GMDS: variants seen among roughly 807,000 people sequenced by gnomAD.
GMDS encodes GDP-mannose 4,6 dehydratase.
A neutral mutation model predicts 49.9 loss-of-function variants in GMDS; 20 were observed. That is an observed-to-expected ratio of 0.40 (90% CI 0.28 to 0.58). The LOEUF (loss-of-function observed/expected upper bound fraction) is 0.58. Among genes scored for constraint, GMDS ranks in the 20% least tolerant of loss-of-function variants. GMDS has a pLI of 0.42. For missense variants in GMDS, 362 were observed against 481.4 expected, an observed-to-expected ratio of 0.75 and a Z score of 2.32; for synonymous variants, 177 against 178.6, an observed-to-expected ratio of 0.99 and a Z score of 0.07.
At chr6:2,076,377 A>C (rs949395228) in intron 4 of GMDS, among the ~76,000 whole-genome samples, 5 of 151,316 alleles carry the variant, frequency 3.3e-5, no homozygotes, top group African/African-American at 4.8e-5. Flanking sequence ...TCAAGCTACC[A>C]ATGACTTTCT....
intron 7 of GMDS, among the ~76,000 whole-genome samples, chr6:1,763,996 G>C (rs1292566572): frequency 1.3e-5 from 2 of 152,156 alleles, no homozygotes; most frequent in African/African-American, 4.8e-5. Flanking sequence ...GGGTCTGCAG[G>C]GGAAAGACAG....
intron 9 of GMDS, among the ~76,000 whole-genome samples, chr6:1,678,858 A>G (rs1764701419): frequency 6.6e-6 from 1 of 152,250 alleles, no homozygotes; most frequent in African/African-American, 2.4e-5. Flanking sequence ...TTACACAAGT[A>G]ATGGAACACA....
rs186728406 is a variant in GMDS, at chr6:1,800,413, T to C, written c.772-57827A>G. On this transcript the variant is annotated intron_variant, in intron 7 of 10. Transcript: ENST00000380815. Reference sequence around the variant, plus strand: ...CTATAAAAGGCCAGCAGAATGTTCTTATGACTCCTACTCACAACCATTTCT... The same window carrying C: ...CTATAAAAGGCCAGCAGAATGTTCTCATGACTCCTACTCACAACCATTTCT... Among the ~76,000 whole-genome samples, 4 of 152,226 alleles carry C rather than the reference T, an allele frequency of 2.6e-5. No individual in the cohort carries two copies. In the East Asian group the frequency reaches 7.7e-4, roughly 29 times the overall value.
intron 4 of GMDS, among the ~76,000 whole-genome samples, chr6:2,032,661 TAGAG>T (rs1183624065): frequency 1.3e-5 from 2 of 152,168 alleles, no homozygotes; most frequent in East Asian, 1.9e-4. Flanking sequence ...TATGAAAATA[TAGAG>T]AGAGGCATAA....
In GMDS at chr6:1,708,377, G is replaced by A. The variant is rs919315433; in HGVS notation, c.987+18039C>T. Among the ~76,000 whole-genome samples the A allele has an allele frequency of 1.6e-4, 25 of 152,326 alleles. 1 individual carries two copies. In the Middle Eastern group the frequency reaches 0.024, roughly 145 times the overall value. On this transcript the variant is annotated intron_variant, in intron 9 of 10. Coordinates refer to ENST00000380815, the MANE Select transcript of GMDS (RefSeq NM_001500.4). The stretch of plus-strand genomic sequence containing the variant: ...GGCAGATGAGGAGTGGAGGGAAGGC[G>A]GGTAGGGGGCTTGCACTCGAAACCA...
chr6:2,023,475 C>T (rs924785850), intron 4 of GMDS, among the ~76,000 whole-genome samples: 2 of 152,220 alleles, frequency 1.3e-5, no homozygotes, highest in Admixed American at 1.3e-4. Context: ...GGTGAGACCC[C>T]CTTCAGGGGC....
intron 4 of GMDS, among the ~76,000 whole-genome samples, chr6:2,000,772 C>T (rs1766765535): frequency 6.6e-6 from 1 of 152,146 alleles, no homozygotes; most frequent in Non-Finnish European, 1.5e-5. Context: ...AGTGGTTCTC[C>T]CACCTTAGCC....
chr6:1,959,105 G>A (rs1763799546), intron 6 of GMDS, among the ~76,000 whole-genome samples: 1 of 152,136 alleles, frequency 6.6e-6, no homozygotes, highest in Non-Finnish European at 1.5e-5. Flanking sequence ...GGGGAATAAG[G>A]GGAGATTTCT....
chr6:1,865,182 A>G (rs1014155268), intron 7 of GMDS, among the ~76,000 whole-genome samples: 8 of 152,184 alleles, frequency 5.3e-5, no homozygotes, highest in Non-Finnish European at 2.9e-5. Context: ...ATATTCCTCA[A>G]TTAAGTTTTC....
intron 4 of GMDS, among the ~76,000 whole-genome samples, chr6:1,982,999 C>A (rs997559081): frequency 6.6e-6 from 1 of 152,118 alleles, no homozygotes; most frequent in African/African-American, 2.4e-5. Context: ...CTACAGTAAT[C>A]AAAACAGCAT....
intron 8 of GMDS, 48 bp from the exon 9 acceptor site, chr6:1,726,560 T>A: frequency 7.1e-7 from 1 of 1,409,760 alleles, no homozygotes; most frequent in Non-Finnish European, 1.0e-6. Context: ...CTTGGGAACA[T>A]TTGGCCATGC....
At chr6:2,212,824 G>A (rs1375610055) in intron 1 of GMDS, among the ~76,000 whole-genome samples, 4 of 151,294 alleles carry the variant, frequency 2.6e-5, no homozygotes, top group African/African-American at 7.3e-5. Flanking sequence ...TAAACCATAA[G>A]AGCGTGTGTC....
intron 4 of GMDS, among the ~76,000 whole-genome samples, chr6:1,988,596 G>A (rs1211723690): frequency 6.6e-6 from 1 of 152,108 alleles, no homozygotes; most frequent in Non-Finnish European, 1.5e-5. Flanking sequence ...GAACATGCAT[G>A]CCATCTGTAA....
chr6:2,215,755 T>C (rs1780305562), intron 1 of GMDS, among the ~76,000 whole-genome samples: 1 of 152,156 alleles, frequency 6.6e-6, no homozygotes, highest in Non-Finnish European at 1.5e-5. Context: ...TATCACCTTA[T>C]TCGGACCCTG....
chr6:2,101,050 G>C (rs997293837), intron 4 of GMDS, among the ~76,000 whole-genome samples: 6 of 142,614 alleles, frequency 4.2e-5, no homozygotes, highest in Non-Finnish European at 9.5e-5. Flanking sequence ...ACATTACTGA[G>C]ATTTTTTTTT....
intron 1 of GMDS, among the ~76,000 whole-genome samples, chr6:2,205,716 C>A (rs1180237284): frequency 6.6e-6 from 1 of 152,272 alleles, no homozygotes; most frequent in Middle Eastern, 3.4e-3. Context: ...TCTACCCCCA[C>A]AGATTGCTAC....
At position 1,951,884 on chromosome 6, in the gene GMDS, G is replaced by C. The variant is rs12665271; in HGVS notation, c.643+7983C>G. The C allele has an allele frequency of 2.6e-3, 2,515 of 985,020 alleles. 73 individuals are homozygous for C. In the East Asian group the frequency reaches 0.082, roughly 32 times the overall value. 61.0% of individuals were successfully genotyped at this position (985,020 alleles called of 1,614,324 possible). Reference sequence around the variant, plus strand: ...AACTAATGGTCTTTTACAAAGATAAGAGCAGCTGAGACATTCCGTTTCCAA... The same window carrying C: ...AACTAATGGTCTTTTACAAAGATAACAGCAGCTGAGACATTCCGTTTCCAA... On this transcript the variant is annotated intron_variant, in intron 6 of 10. Transcript: ENST00000380815.
chr6:1,889,142 C>T (rs1486169724), intron 7 of GMDS, among the ~76,000 whole-genome samples: 2 of 152,192 alleles, frequency 1.3e-5, no homozygotes, highest in Non-Finnish European at 2.9e-5. Context: ...AAAGGGCTGA[C>T]TATGCTACTT....
rs1363855924 is a variant in GMDS, at chr6:2,007,295, TA to T, written c.346-46330del. ...AATGAACTAACAGGACCAATGCAAG[TA>T]ATACCATTACAGCACACCATAAGCA... is the stretch of plus-strand genomic sequence containing the variant. On this transcript the variant is annotated intron_variant, in intron 4 of 10. Transcript: ENST00000380815. Among the ~76,000 whole-genome samples the T allele has an allele frequency of 1.9e-4, 29 of 152,296 alleles. 1 individual carries two copies. The highest frequency in any genetic ancestry group is 1.8e-3 in the Admixed American group (28 of 15,286).
Sources: allele counts gnomAD v4.1 joint callset (sites outside exome capture counted in the v4.1 genomes callset), GRCh38; gene constraint gnomAD v4.1.1; transcripts MANE v1.5; gene names NCBI Gene and HGNC (gene_info 2026-07-23, HGNC 2026-07-21).